The following GRM5 variants were observed in gnomAD, a reference collection of about 807,000 sequenced individuals.
The protein encoded by GRM5 is metabotropic glutamate receptor 5.
In GRM5, 19 loss-of-function variants were observed where a neutral mutation model predicts 83.1. The ratio of observed to expected loss-of-function variants is 0.23; its 90% CI spans 0.16 to 0.34. GRM5 has a LOEUF of 0.34. Ranked by LOEUF, GRM5 falls within the 10% of genes least tolerant of loss-of-function variation. The pLI is 1.00. For synonymous variants in GRM5, 675 were observed against 633.6 expected, an observed-to-expected ratio of 1.07 and a Z score of -0.98; for missense variants, 1,160 against 1,588.3, an observed-to-expected ratio of 0.73 and a Z score of 4.58.
chr11:88,820,393 A>AAAC (rs1368219436), intron 3 of GRM5, among the ~76,000 whole-genome samples: 6 of 144,990 alleles, frequency 4.1e-5, no homozygotes, highest in African/African-American at 1.1e-4. Flanking sequence ...AAAAAAAAAA[A>AAAC]GCCAATATAA....
chr11:88,774,829 C>T (rs563788740), intron 3 of GRM5, among the ~76,000 whole-genome samples: 4 of 152,126 alleles, frequency 2.6e-5, no homozygotes, highest in Non-Finnish European at 5.9e-5. Flanking sequence ...TTTTGATGTG[C>T]TGCTGGATTC....
chr11:88,636,179 C>T (rs1939113726), intron 4 of GRM5, among the ~76,000 whole-genome samples: 1 of 152,102 alleles, frequency 6.6e-6, no homozygotes, highest in Non-Finnish European at 1.5e-5. Context: ...GAAAGCCAAC[C>T]TCCTTTCCTG....
At chr11:88,746,806 G>C (rs1942154920) in intron 3 of GRM5, among the ~76,000 whole-genome samples, 1 of 152,024 alleles carries the variant, frequency 6.6e-6, no homozygotes, top group Non-Finnish European at 1.5e-5. Context: ...AAGAAGTTGG[G>C]AATAAAGAAG....
intron 3 of GRM5, among the ~76,000 whole-genome samples, chr11:88,768,130 T>C (rs1418030125): frequency 2.6e-5 from 4 of 151,988 alleles, no homozygotes; most frequent in African/African-American, 9.7e-5. Context: ...ATCAAAGAGA[T>C]AATGTTTACA....
intron 2 of GRM5, among the ~76,000 whole-genome samples, chr11:88,909,611 C>T (rs955657902): frequency 6.6e-6 from 1 of 151,536 alleles, no homozygotes; most frequent in Non-Finnish European, 1.5e-5. Context: ...CGTGATGGCA[C>T]TTATAACTTA....
At position 88,592,053 on chromosome 11, in the gene GRM5, CATG is replaced by C. The variant is rs149590653; in HGVS notation, c.1564-1329_1564-1327del. Among the ~76,000 whole-genome samples the C allele has an allele frequency of 9.5e-3, 1,454 of 152,264 alleles. 14 individuals carry two copies. Among genetic ancestry groups the C allele is most frequent in the East Asian group, 0.071 (370 of 5,178 alleles). On this transcript the variant is annotated intron_variant, in intron 6 of 9. Transcript: ENST00000305447. ...CAATGTATGTTGGACTTCAAATGCT[CATG>C]CTTATAAACATTGAGTCTTACTGGA...
rs143186191 is a variant in GRM5, at chr11:88,883,938, G to T, written c.662-33783C>A. On this transcript the variant is annotated intron_variant, in intron 2 of 9. Coordinates refer to ENST00000305447, the MANE Select transcript of GRM5 (RefSeq NM_001143831.3). ...ATGGAAATGCCTGAGTGTCCAGGCA[G>T]AAGTTTGCTATGGGGTCAGGGCCCT... Among the ~76,000 whole-genome samples, 341 of 152,316 alleles carry T rather than the reference G, an allele frequency of 2.2e-3. 2 individuals carry two copies. The highest frequency in any genetic ancestry group is 8.0e-3 in the African/African-American group (332 of 41,582).
chr11:88,904,626 G>T (rs1945372948), intron 2 of GRM5, among the ~76,000 whole-genome samples: 1 of 151,940 alleles, frequency 6.6e-6, no homozygotes, highest in African/African-American at 2.4e-5. Flanking sequence ...CATAAGTGTG[G>T]TATTCAAATT....
chr11:88,701,211 G>A (rs528756218), intron 3 of GRM5, among the ~76,000 whole-genome samples: 7 of 152,276 alleles, frequency 4.6e-5, no homozygotes, highest in South Asian at 2.1e-4. Flanking sequence ...TCTTGTTAGA[G>A]CAGTGGGGCT....
chr11:88,687,056 A>C (rs547417301), intron 3 of GRM5, among the ~76,000 whole-genome samples: 24 of 152,052 alleles, frequency 1.6e-4, no homozygotes, highest in African/African-American at 5.8e-4. Context: ...GCCTATATTT[A>C]TTCATTTGGC....
At chr11:88,512,959 C>T (rs965229193) in intron 9 of GRM5, among the ~76,000 whole-genome samples, 2 of 152,118 alleles carry the variant, frequency 1.3e-5, no homozygotes, top group South Asian at 2.1e-4. Context: ...TTCCATGATC[C>T]GTGGCCTCTT....
At chr11:88,608,885 C>G (rs1016627053) in intron 4 of GRM5, among the ~76,000 whole-genome samples, 2 of 152,130 alleles carry the variant, frequency 1.3e-5, no homozygotes, top group African/African-American at 4.8e-5. Context: ...AGTTGGCCAC[C>G]AATAAATATT....
intron 4 of GRM5, among the ~76,000 whole-genome samples, chr11:88,646,962 G>A (rs549152858): frequency 5.2e-4 from 79 of 151,598 alleles, no homozygotes; most frequent in African/African-American, 1.9e-3. Context: ...CAGTTCTGGA[G>A]GCTAGAAGTC....
Position 88,794,186 on chromosome 11 carries a change from C to T in GRM5, c.911+55720G>A, listed in dbSNP as rs117067924. ...ATGTTCTTAAGCATTCCCGTCCCCA[C>T]TATTCTGCTTCAGGGGACCAGCATC... On this transcript the variant is annotated intron_variant, in intron 3 of 9. Transcript: ENST00000305447. 9.4e-3 allele frequency among the ~76,000 whole-genome samples: 1,433 copies of T among 152,260 alleles called. 12 individuals are homozygous for T. The highest frequency in any genetic ancestry group is 0.015 in the Non-Finnish European group (1,022 of 67,996).
chr11:88,869,005 T>C (rs1184546847), intron 2 of GRM5, among the ~76,000 whole-genome samples: 1 of 151,762 alleles, frequency 6.6e-6, no homozygotes, highest in African/African-American at 2.4e-5. Flanking sequence ...ATGTCTGCTG[T>C]TTTCCTTCCA....
intron 3 of GRM5, among the ~76,000 whole-genome samples, chr11:88,658,230 C>T (rs72956732): frequency 0.06 from 9,118 of 152,094 alleles, 256 homozygotes; most frequent in Middle Eastern, 0.071. Flanking sequence ...TGAAACCAGT[C>T]CCTGGTGCCA....
At chr11:89,057,780 C>T (rs1317590932) in intron 1 of GRM5, among the ~76,000 whole-genome samples, 2 of 152,094 alleles carry the variant, frequency 1.3e-5, no homozygotes, top group Non-Finnish European at 1.5e-5. Context: ...TCATTAAATG[C>T]TTGAGACCGT....
chr11:88,949,553 G>T (rs1394016262), intron 2 of GRM5, among the ~76,000 whole-genome samples: 2 of 152,194 alleles, frequency 1.3e-5, no homozygotes, highest in Admixed American at 6.5e-5. Flanking sequence ...CCAGATTAAT[G>T]ATTGAGACTG....
chr11:88,545,816 T>C (rs1320813905), intron 8 of GRM5, among the ~76,000 whole-genome samples: 2 of 152,106 alleles, frequency 1.3e-5, no homozygotes, highest in East Asian at 3.9e-4. Context: ...ATCTTGAACA[T>C]ATTAATCTTA....
Sources: allele counts gnomAD v4.1 joint callset (sites outside exome capture counted in the v4.1 genomes callset), GRCh38; gene constraint gnomAD v4.1.1; transcripts MANE v1.5; gene names NCBI Gene and HGNC (gene_info 2026-07-23, HGNC 2026-07-21).